Variants in LIN28A observed in about 807,000 individuals in gnomAD.
LIN28A encodes lin-28 RNA binding posttranscriptional regulator A, also known as protein lin-28 homolog A.
A neutral mutation model predicts 21.1 loss-of-function variants in LIN28A; 11 were observed. The observed-to-expected ratio is 0.52, with a 90% confidence interval of 0.33 to 0.86. LIN28A has a LOEUF of 0.86. Ranked by LOEUF, LIN28A falls within the 40% of genes least tolerant of loss-of-function variation. The pLI is 0.03. For missense variants in LIN28A, 219 were observed against 279.8 expected (o/e 0.78, Z 1.55); for synonymous variants, 111 against 108.7 (o/e 1.02, Z -0.13).
At chr1:26,423,361 G>T (rs1423854341) in intron 2 of LIN28A, among the ~76,000 whole-genome samples, 1 of 134,614 alleles carries the variant, frequency 7.4e-6, no homozygotes, top group Non-Finnish European at 1.6e-5. Context: ...TGTTTGTTTG[G>T]TTTTTTAACA....
rs1049765367 is a variant in LIN28A, at chr1:26,419,237, T to C, written c.229-6066T>C. Among the ~76,000 whole-genome samples, 6 of 143,920 alleles carry C rather than the reference T, an allele frequency of 4.2e-5. No homozygotes were observed. The East Asian group carries it at 1.3e-3, about 30-fold the overall frequency. The allele number at this position is 143,920 out of a possible 152,430, so 94.4% of individuals were successfully genotyped here. A position where few individuals can be genotyped will look rare whatever the true frequency, so the allele number is the denominator to read the frequency against. ...TCTGATAAGAGAGGAATTCAAACTA[T>C]GTGTTTTAGAAAGGGGCGGGGGAGG... On this transcript the variant is annotated intron_variant, in intron 2 of 3. Transcript: ENST00000326279.
At chr1:26,412,071 T>G (rs925553293) in intron 2 of LIN28A, among the ~76,000 whole-genome samples, 3 of 152,236 alleles carry the variant, frequency 2.0e-5, no homozygotes, top group Non-Finnish European at 2.9e-5. Flanking sequence ...CTCATCCCCT[T>G]TTTAATGCAG....
At chr1:26,419,262 G>A (rs2075015336) in intron 2 of LIN28A, among the ~76,000 whole-genome samples, 1 of 151,986 alleles carries the variant, frequency 6.6e-6, no homozygotes, top group African/African-American at 2.4e-5. Flanking sequence ...GGCGGGGGAG[G>A]AGGGCAGGGA....
At chr1:26,414,252 C>G (rs2074980368) in intron 2 of LIN28A, among the ~76,000 whole-genome samples, 1 of 152,024 alleles carries the variant, frequency 6.6e-6, no homozygotes, top group African/African-American at 2.4e-5. Context: ...AAATCTTTAA[C>G]AAAACTTCCC....
rs2124278842 is a variant in LIN28A at position 26,411,069 on chromosome 1, C to A, written c.31+147C>A. On this transcript the variant is annotated intron_variant, in intron 1 of 3. Transcript: ENST00000326279. This position sits in a 1 kb window ranked among gnomAD's most constrained non-coding sequence, Gnocchi z 5.4. ...TGCTTCATAGGGCCGTCTCTGGGGC[C>A]AGGAACCTTGGTGTCCCAGTGGCGT... The A allele has an allele frequency of 9.1e-7, 1 of 1,102,518 alleles. No homozygotes were observed. The highest frequency in any genetic ancestry group is 1.3e-6 in the Non-Finnish European group (1 of 785,756). 68.3% of individuals were successfully genotyped at this position (1,102,518 alleles called of 1,614,324 possible). A position where few individuals can be genotyped will look rare whatever the true frequency, so the allele number is the denominator to read the frequency against.
In LIN28A at chr1:26,426,602, C is replaced by T. The variant is rs2075061135; in HGVS notation, c.*144C>T. 1 of 661,664 alleles carries T rather than the reference C, an allele frequency of 1.5e-6. No homozygotes were observed. Among genetic ancestry groups the T allele is most frequent in the Non-Finnish European group, 2.7e-6 (1 of 372,094 alleles). The allele number at this position is 661,664 out of a possible 1,614,324, so 41.0% of individuals were successfully genotyped here. The stretch of plus-strand genomic sequence containing the variant: ...GGGTTCACACCATCACCCTTTCTTC[C>T]CTCTAGGTGGGGGGAAAGGGTGAGT... On this transcript the variant is annotated 3_prime_UTR_variant, in exon 4 of 4. Coordinates refer to ENST00000326279, the MANE Select transcript of LIN28A (RefSeq NM_024674.6).
At chr1:26,425,043 CTCTGT>C (rs1484525790) in intron 2 of LIN28A, among the ~76,000 whole-genome samples, 1 of 152,130 alleles carries the variant, frequency 6.6e-6, no homozygotes, top group African/African-American at 2.4e-5. Context: ...GTACCCGGCC[CTCTGT>C]TCTATTTTAT....
In LIN28A at chr1:26,411,570, C is replaced by G. The variant is rs1270214042; in HGVS notation, c.216C>G (p.Val72=). 1 of 1,613,660 alleles carries G rather than the reference C, an allele frequency of 6.2e-7. No homozygotes were observed. Among genetic ancestry groups the G allele is most frequent in the Non-Finnish European group, 8.5e-7 (1 of 1,179,880 alleles). The part of the protein sequence containing the change: ...AGVALDPPVD[V]FVHQSKLHME... Reference sequence around the variant, plus strand: ...TCGCGCTCGACCCCCCAGTGGATGTCTTTGTGCACCAGGTGAGACTGATTC... The same window carrying G: ...TCGCGCTCGACCCCCCAGTGGATGTGTTTGTGCACCAGGTGAGACTGATTC... Residue 72 remains valine (V), a synonymous_variant, in exon 2 of 4, where the codon GTC becomes GTG. Transcript: ENST00000326279. This position sits in a 1 kb window ranked among gnomAD's most constrained non-coding sequence, Gnocchi z 5.4.
chr1:26,425,309 C>G lies in LIN28A; in HGVS notation c.235C>G (p.Leu79Val), dbSNP rs555720625. The G allele has an allele frequency of 6.2e-7, 1 of 1,612,644 alleles. No homozygotes were observed. Among genetic ancestry groups the G allele is most frequent in the African/African-American group, 1.3e-5 (1 of 74,968 alleles). Residue 79 changes from leucine (L) to valine (V), a missense_variant, in exon 3 of 4, where the codon CTG (leucine) becomes GTG (valine). By Grantham distance (32) the Leu-to-Val change is conservative. This residue lies in a region of LIN28A where 124 missense variants were observed against 193.1 expected (regional missense o/e 0.64). Coordinates refer to ENST00000326279, the MANE Select transcript of LIN28A (RefSeq NM_024674.6). ...CTGCATTTCCCTTCACCAGAGTAAG[C>G]TGCACATGGAAGGGTTCCGGAGCTT... is the stretch of plus-strand genomic sequence containing the variant. ...PVDVFVHQSK[L>V]HMEGFRSLKE...
chr1:26,412,426 G>C (rs1192119266), intron 2 of LIN28A, among the ~76,000 whole-genome samples: 1 of 152,126 alleles, frequency 6.6e-6, no homozygotes, highest in Non-Finnish European at 1.5e-5. Flanking sequence ...CTCAAACAAG[G>C]AGCCAGAGAC....
At chr1:26,425,751 C>T (rs1173481921) in intron 3 of LIN28A, among the ~76,000 whole-genome samples, 2 of 152,092 alleles carry the variant, frequency 1.3e-5, no homozygotes, top group Non-Finnish European at 2.9e-5. Context: ...TACTAACATC[C>T]TAGGATGGTT....
At chr1:26,423,646 A>G (rs1433480317) in intron 2 of LIN28A, among the ~76,000 whole-genome samples, 1 of 150,522 alleles carries the variant, frequency 6.6e-6, no homozygotes, top group Non-Finnish European at 1.5e-5. Flanking sequence ...TCCTGACCTC[A>G]GGTGATATGC....
intron 3 of LIN28A, 88 bp from the exon 4 acceptor site, chr1:26,426,154 T>C: frequency 9.5e-7 from 1 of 1,054,772 alleles, no homozygotes; most frequent in South Asian, 1.3e-5. Context: ...GACAAACCTG[T>C]ACCAGAGCCC....
Position 26,425,249 on chromosome 1 carries a change from T to G in LIN28A, c.229-54T>G, listed in dbSNP as rs576460440. 5.2e-6 allele frequency: 8 copies of G among 1,551,648 alleles called. No individual in the cohort carries two copies. The African/African-American group carries it at 8.2e-5, about 16-fold the overall frequency. On this transcript the variant is annotated intron_variant, in intron 2 of 3. Coordinates refer to ENST00000326279, the MANE Select transcript of LIN28A (RefSeq NM_024674.6). ...CTACAGGAATAAGAGTTCCTTGTCTTTTGGTATAATAATGGAAATTAATGT... is the reference window on the plus strand; with the variant it reads ...CTACAGGAATAAGAGTTCCTTGTCTGTTGGTATAATAATGGAAATTAATGT...
chr1:26,420,483 G>A (rs1343460396), intron 2 of LIN28A, among the ~76,000 whole-genome samples: 5 of 151,778 alleles, frequency 3.3e-5, no homozygotes, highest in South Asian at 2.1e-4. Flanking sequence ...GTGTGGTGGC[G>A]TGCGCCTGTA....
chr1:26,424,842 A>G (rs551823330), intron 2 of LIN28A, among the ~76,000 whole-genome samples: 3 of 152,162 alleles, frequency 2.0e-5, no homozygotes, highest in Admixed American at 1.3e-4. Context: ...CCTGGGTTCA[A>G]GCAATTCTCC....
chr1:26,417,137 A>C (rs2074998515), intron 2 of LIN28A, among the ~76,000 whole-genome samples: 3 of 152,198 alleles, frequency 2.0e-5, no homozygotes, highest in Non-Finnish European at 4.4e-5. Context: ...AGCTCAGACC[A>C]GGTAGCGGGC....
At position 26,427,154 on chromosome 1, in the gene LIN28A, A is replaced by C. The variant is rs1350357450; in HGVS notation, c.*696A>C. On this transcript the variant is annotated 3_prime_UTR_variant, in exon 4 of 4. Transcript: ENST00000326279. ...TGTGTGCGAATGACGTATCTTGTGCATTTTAACTTTTTTTCCTTAATATAA... is the reference window on the plus strand; with the variant it reads ...TGTGTGCGAATGACGTATCTTGTGCCTTTTAACTTTTTTTCCTTAATATAA... 6.5e-6 allele frequency: 1 copy of C among 152,672 alleles called. No individual in the cohort carries two copies. Among genetic ancestry groups the C allele is most frequent in the East Asian group, 1.9e-4 (1 of 5,208 alleles). The allele number at this position is 152,672 out of a possible 1,614,324, so 9.5% of individuals were successfully genotyped here. A position where few individuals can be genotyped will look rare whatever the true frequency, so the allele number is the denominator to read the frequency against.
intron 2 of LIN28A, among the ~76,000 whole-genome samples, chr1:26,417,780 T>G (rs1412320573): frequency 6.6e-6 from 1 of 152,202 alleles, no homozygotes; most frequent in Non-Finnish European, 1.5e-5. Context: ...TTATTTTGCA[T>G]AGTACTTAGA....
Sources: allele counts gnomAD v4.1 joint callset (sites outside exome capture counted in the v4.1 genomes callset), GRCh38; gene constraint gnomAD v4.1.1; regional missense constraint gnomAD v4.1.1; non-coding constraint Gnocchi (gnomAD v3.1); transcripts MANE v1.5; gene names NCBI Gene and HGNC (gene_info 2026-07-23, HGNC 2026-07-21).